The following TEX2 variants were observed in gnomAD, a reference collection of about 807,000 sequenced individuals.
TEX2 encodes the protein testis expressed 2, also known as testis-expressed protein 2.
In TEX2, 53 loss-of-function variants were observed where a neutral mutation model predicts 106.9. The observed-to-expected ratio is 0.50, with a 90% CI of 0.40 to 0.62. The LOEUF (loss-of-function observed/expected upper bound fraction) is 0.62. TEX2 is among the 20% of genes least tolerant of loss of function. The pLI is 0.00. For synonymous variants in TEX2, 523 were observed against 534.8 expected (o/e 0.98, Z 0.30); for missense variants, 1,207 against 1,379.0 (o/e 0.88, Z 1.98).
At chr17:64,244,769 T>C (rs2033956066) in intron 1 of TEX2, among the ~76,000 whole-genome samples, 2 of 151,880 alleles carry the variant, frequency 1.3e-5, no homozygotes, top group Admixed American at 1.3e-4. Context: ...TTTTTTCTCT[T>C]TGTTTTGACA....
intron 7 of TEX2, among the ~76,000 whole-genome samples, chr17:64,164,814 C>T (rs1209882783): frequency 6.6e-6 from 1 of 152,238 alleles, no homozygotes; most frequent in Non-Finnish European, 1.5e-5. Flanking sequence ...GGGGTGGCCA[C>T]AACCACAAGA....
chr17:64,148,072 C>G lies in TEX2; in HGVS notation c.*897G>C, dbSNP rs2030142045. ...CGTTTTGGCCTTCAGGAAGGGAAAT[C>G]TGCCCATGGAACTCTCCCAATCAGA... is the stretch of plus-strand genomic sequence containing the variant. On this transcript the variant is annotated 3_prime_UTR_variant, in exon 12 of 12. Coordinates refer to ENST00000584379, the MANE Select transcript of TEX2 (RefSeq NM_001288732.2). The G allele has an allele frequency of 6.6e-6, 1 of 152,370 alleles. No individual in the cohort carries two copies. The highest frequency in any genetic ancestry group is 1.5e-5 in the Non-Finnish European group (1 of 68,036). 9.4% of individuals were successfully genotyped at this position (152,370 alleles called of 1,614,324 possible).
At chr17:64,170,383 CAT>C (rs1356442147) in intron 7 of TEX2, among the ~76,000 whole-genome samples, 2 of 152,188 alleles carry the variant, frequency 1.3e-5, no homozygotes, top group African/African-American at 2.4e-5. Flanking sequence ...GATGTGAACA[CAT>C]GTGAGGAGAG....
At chr17:64,223,357 CTTT>C (rs71158308) in intron 1 of TEX2, among the ~76,000 whole-genome samples, 19 of 113,114 alleles carry the variant, frequency 1.7e-4, no homozygotes, top group Non-Finnish European at 2.2e-4. Context: ...CTGAATCTGG[CTTT>C]TTTTTTTTTT....
intron 4 of TEX2, among the ~76,000 whole-genome samples, chr17:64,190,143 C>T (rs1237527368): frequency 6.6e-6 from 1 of 152,134 alleles, no homozygotes; most frequent in Non-Finnish European, 1.5e-5. Flanking sequence ...AGATAATTTC[C>T]AGCACTTTAA....
chr17:64,179,480 T>G (rs1388660712), intron 5 of TEX2, among the ~76,000 whole-genome samples: 1 of 152,198 alleles, frequency 6.6e-6, no homozygotes, highest in Non-Finnish European at 1.5e-5. Context: ...ACTTTTGCTC[T>G]TCACAATAAA....
chr17:64,235,338 G>A (rs1489245705), intron 1 of TEX2, among the ~76,000 whole-genome samples: 1 of 152,212 alleles, frequency 6.6e-6, no homozygotes, highest in African/African-American at 2.4e-5. Flanking sequence ...GGATGCTTCC[G>A]TTGACAAACC....
intron 5 of TEX2, among the ~76,000 whole-genome samples, 193 bp downstream of exon 5, chr17:64,187,975 T>G (rs372497321): frequency 6.6e-6 from 1 of 152,242 alleles, no homozygotes; most frequent in South Asian, 2.1e-4. Context: ...TTATTTTCAT[T>G]CTTCCCACCA....
chr17:64,163,611 G>A (rs2030986570), intron 7 of TEX2, among the ~76,000 whole-genome samples: 1 of 152,224 alleles, frequency 6.6e-6, no homozygotes, highest in African/African-American at 2.4e-5. Context: ...AACGTGACCT[G>A]AAAACCTGGG....
intron 8 of TEX2, among the ~76,000 whole-genome samples, chr17:64,159,008 G>A (rs1442220313): frequency 6.6e-6 from 1 of 152,204 alleles, no homozygotes; most frequent in Non-Finnish European, 1.5e-5. Flanking sequence ...CATTCCTAAA[G>A]CAGAGGATCT....
At chr17:64,211,440 CAT>C (rs1598183942) in intron 2 of TEX2, among the ~76,000 whole-genome samples, 1 of 152,254 alleles carries the variant, frequency 6.6e-6, no homozygotes, top group East Asian at 1.9e-4. Context: ...TCTCTAAAAA[CAT>C]ATACAATCAG....
intron 1 of TEX2, among the ~76,000 whole-genome samples, chr17:64,235,366 A>G (rs782756964): frequency 6.6e-6 from 1 of 152,226 alleles, no homozygotes; most frequent in Non-Finnish European, 1.5e-5. Flanking sequence ...AGCCAACAGA[A>G]GCTTTCTGCA....
At chr17:64,181,295 G>T (rs1239065644) in intron 5 of TEX2, among the ~76,000 whole-genome samples, 1 of 151,828 alleles carries the variant, frequency 6.6e-6, no homozygotes, top group African/African-American at 2.4e-5. Flanking sequence ...GGCCAACATG[G>T]TGAAGTCCCG....
At chr17:64,187,799 C>T (rs2032133054) in intron 5 of TEX2, among the ~76,000 whole-genome samples, 1 of 152,184 alleles carries the variant, frequency 6.6e-6, no homozygotes, top group Non-Finnish European at 1.5e-5. Flanking sequence ...TCCCCCGTGA[C>T]CAACAGGTCT....
intron 5 of TEX2, among the ~76,000 whole-genome samples, chr17:64,178,781 A>G (rs1455860761): frequency 2.0e-5 from 3 of 152,184 alleles, no homozygotes; most frequent in Admixed American, 1.3e-4. Context: ...CAGCTATAAC[A>G]CACACCAGAC....
At chr17:64,191,192 C>T (rs561131932) in intron 4 of TEX2, among the ~76,000 whole-genome samples, 25 of 152,308 alleles carry the variant, frequency 1.6e-4, no homozygotes, top group African/African-American at 5.8e-4. Flanking sequence ...GCTTTAGTAC[C>T]AGTGAGTGCA....
In TEX2 at chr17:64,188,177, A is replaced by G. The variant is rs1316141077; in HGVS notation, c.2415T>C (p.Ala805=). 3 of 1,607,832 alleles carry G rather than the reference A, an allele frequency of 1.9e-6. No homozygotes were observed. The highest frequency in any genetic ancestry group is 2.5e-6 in the Non-Finnish European group (3 of 1,179,284). ...CAGCAGCCAGCTTTACCTTCTTCCC[A>G]GCTGTGGGGCTGCTCTCCGCACTCT... The part of the protein sequence containing the change: ...PLQSAESSPT[A]GKKLPEVPPS... The change falls in exon 5 of 12, where the codon GCT becomes GCC. Residue 805 remains alanine (A), a synonymous_variant. Transcript: ENST00000584379.
chr17:64,210,759 T>A (rs1210034769), intron 2 of TEX2, among the ~76,000 whole-genome samples: 6 of 151,332 alleles, frequency 4.0e-5, no homozygotes, highest in African/African-American at 1.5e-4. Flanking sequence ...AAGCTTTGAA[T>A]TTGAAAAGCT....
intron 1 of TEX2, among the ~76,000 whole-genome samples, chr17:64,262,757 G>A (rs2034316157): frequency 6.6e-6 from 1 of 152,244 alleles, no homozygotes; most frequent in African/African-American, 2.4e-5. Flanking sequence ...AGTAACTGCG[G>A]TTCTCGACTT....
Sources: gnomAD v4.1 joint callset for allele counts (sites outside exome capture counted in the v4.1 genomes callset) on GRCh38, gnomAD v4.1.1 for gene constraint, MANE v1.5 for transcripts, NCBI Gene and HGNC (gene_info 2026-07-23, HGNC 2026-07-21) for gene names.